The following MYO15A variants were observed in gnomAD, a reference collection of about 807,000 sequenced individuals.
MYO15A encodes the protein unconventional myosin-XV.
In MYO15A, 308 loss-of-function variants were observed where a neutral mutation model predicts 394.6. The ratio of observed to expected loss-of-function variants is 0.78; its 90% confidence interval spans 0.71 to 0.86. MYO15A has a LOEUF of 0.86. MYO15A is among the 40% of genes least tolerant of loss of function. MYO15A has a pLI of 0.00. For missense variants in MYO15A, 4,606 were observed against 4,799.1 expected (o/e 0.96, Z 1.19); for synonymous variants, 1,957 against 2,003.8 (o/e 0.98, Z 0.62).
chr17:18,119,448 C>A lies in MYO15A; in HGVS notation c.648C>A (p.His216Gln), dbSNP rs1328232912. The A allele has an allele frequency of 1.9e-6, 3 of 1,612,516 alleles. No individual in the cohort carries two copies. In the African/African-American group the frequency reaches 4.0e-5, roughly 22 times the overall value. ...TCGAGGACGAGGCCCCATTCCATCA[C>A]TCGGGCTCCCGCAAGTCGCTGTACG... ...LPFEDEAPFHHSGSRKSLYGL... is the reference protein window; with the variant it reads ...LPFEDEAPFHQSGSRKSLYGL... Residue 216 changes from histidine to glutamine, a missense_variant, in exon 2 of 66, where the codon CAC (histidine) becomes CAA (glutamine). Physicochemically the swap from His to Gln is conservative, Grantham distance 24. Around this residue, in one of 2 missense-constraint regions of MYO15A, gnomAD observed 1,830 missense variants for 1,689.7 expected, o/e 1.08. Coordinates refer to ENST00000647165, the MANE Select transcript of MYO15A (RefSeq NM_016239.4).
At chr17:18,178,571 C>A in intron 65 of MYO15A, 198 bp from the exon 66 acceptor site, 1 of 676,444 alleles carries the variant, frequency 1.5e-6, no homozygotes, top group Non-Finnish European at 2.7e-6. Flanking sequence ...TTGCTTACCC[C>A]TTGCAGCCCA....
rs750139478 is a variant in MYO15A at position 18,148,568 on chromosome 17, G to A, written c.6764G>A (p.Arg2255Lys). ...GTGGCTGGAGACATTCTGAGGCACA[G>A]GTTGGCTCCTAGGATGCCCTCCCAG... ...EEVAGDILRHRGLADGWRGWT... is the reference protein window; with the variant it reads ...EEVAGDILRHKGLADGWRGWT... Residue 2255 changes from arginine (R) to lysine (K), a missense_variant and splice_region_variant, in exon 32 of 66, where the codon AGG becomes AAG. By Grantham distance (26) the Arg-to-Lys change is conservative (BLOSUM62 2). Coordinates refer to ENST00000647165, the MANE Select transcript of MYO15A (RefSeq NM_016239.4). The surrounding 1 kb of genome is among the most constrained non-coding windows in gnomAD (Gnocchi z 4.8). The A allele has an allele frequency of 6.4e-7, 1 of 1,551,708 alleles. No homozygotes were observed. Among genetic ancestry groups the A allele is most frequent in the South Asian group, 1.2e-5 (1 of 84,082 alleles).
intron 65 of MYO15A, among the ~76,000 whole-genome samples, chr17:18,175,217 C>T (rs1463939454): frequency 2.0e-5 from 3 of 151,496 alleles, no homozygotes; most frequent in Non-Finnish European, 4.4e-5. Context: ...CTGCACCCAG[C>T]CTTCTCCAGC....
At position 18,179,048 on chromosome 17, in the gene MYO15A, T is replaced by C; in HGVS notation, c.*178T>C. ...GAACACAAGAAGACCCATCCTGAAC[T>C]GGGATGGAATGGCAGCATGCAAACT... On this transcript the variant is annotated 3_prime_UTR_variant, in exon 66 of 66. Transcript: ENST00000647165. 3.0e-6 allele frequency: 2 copies of C among 662,440 alleles called. No individual in the cohort carries two copies. The highest frequency in any genetic ancestry group is 3.5e-5 in the South Asian group (2 of 57,638). The allele number at this position is 662,440 out of a possible 1,614,324, so 41.0% of individuals were successfully genotyped here.
chr17:18,142,876 G>T, intron 25 of MYO15A, 36 bp downstream of exon 25: 1 of 1,575,310 alleles, frequency 6.3e-7, no homozygotes, highest in Non-Finnish European at 8.6e-7. Context: ...CAAGGGGACA[G>T]CAGAGAAGGG....
intron 1 of MYO15A, among the ~76,000 whole-genome samples, chr17:18,118,153 T>C (rs2045817032): frequency 6.6e-6 from 1 of 151,946 alleles, no homozygotes; most frequent in African/African-American, 2.4e-5. Flanking sequence ...CCCCACCCCA[T>C]GTATTATTCA....
intron 35 of MYO15A, 152 bp downstream of exon 35, chr17:18,149,732 G>T: frequency 1.3e-6 from 1 of 782,390 alleles, no homozygotes; most frequent in Non-Finnish European, 2.2e-6. Flanking sequence ...GCTGGACAAA[G>T]GATGAGGGTC....
At chr17:18,171,109 G>C (rs1411684346) in intron 62 of MYO15A, among the ~76,000 whole-genome samples, 1 of 152,194 alleles carries the variant, frequency 6.6e-6, no homozygotes, top group Non-Finnish European at 1.5e-5. Context: ...AGGTAAAGGG[G>C]CTGCCTGAGG....
chr17:18,156,971 C>A lies in MYO15A; in HGVS notation c.8619C>A (p.Val2873=), dbSNP rs16960968. 1.9e-6 allele frequency: 3 copies of A among 1,614,138 alleles called. No individual in the cohort carries two copies. Among genetic ancestry groups the A allele is most frequent in the Non-Finnish European group, 1.7e-6 (2 of 1,180,018 alleles). The change falls in exon 49 of 66, where the codon GTC becomes GTA. Residue 2873 remains valine (V), a synonymous_variant. Coordinates refer to ENST00000647165, the MANE Select transcript of MYO15A (RefSeq NM_016239.4). The part of the protein sequence containing the change: ...LELKKDSDYV[V]AVRNFLPEDP... ...TGACCCAGGACTCTGACTACGTGGT[C>A]GCTGTGAGGAACTTCCTGCCTGAGG...
intron 1 of MYO15A, among the ~76,000 whole-genome samples, chr17:18,112,856 ATT>A (rs35423784): frequency 2.4e-3 from 34 of 14,406 alleles, no homozygotes; most frequent in Non-Finnish European, 8.5e-3. Flanking sequence ...TATTATTATT[ATT>A]TTTTTTTGAA....
chr17:18,137,098 G>T (rs929025224), intron 15 of MYO15A, among the ~76,000 whole-genome samples: 2 of 152,294 alleles, frequency 1.3e-5, no homozygotes, highest in East Asian at 3.9e-4. Context: ...GACTTCGTGT[G>T]TTGGGGGGTG....
At chr17:18,133,051 G>T (rs1040972401) in intron 11 of MYO15A, among the ~76,000 whole-genome samples, 174 bp from the exon 12 acceptor site, 2 of 152,214 alleles carry the variant, frequency 1.3e-5, no homozygotes, top group African/African-American at 4.8e-5. Context: ...ATTGCACTTA[G>T]AATCTATGAA....
Position 18,179,324 on chromosome 17 carries a change from T to G in MYO15A, c.*454T>G, listed in dbSNP as rs2047058036. ...CATGTCCTCCTAAGGGGCCCCTCCT[T>G]GTGCTGCCAGTCAGCCTGGATTTCT... is the stretch of plus-strand genomic sequence containing the variant. On this transcript the variant is annotated 3_prime_UTR_variant, in exon 66 of 66. Coordinates refer to ENST00000647165, the MANE Select transcript of MYO15A (RefSeq NM_016239.4). 1.0e-5 allele frequency: 2 copies of G among 197,480 alleles called. No individual in the cohort carries two copies. Among genetic ancestry groups the G allele is most frequent in the South Asian group, 1.8e-4 (2 of 10,950 alleles). 12.2% of individuals were successfully genotyped at this position (197,480 alleles called of 1,614,324 possible). A position where few individuals can be genotyped will look rare whatever the true frequency, so the allele number is the denominator to read the frequency against.
At chr17:18,126,262 G>A (rs2046036611) in intron 4 of MYO15A, 85 bp from the exon 5 acceptor site, 1 of 1,155,166 alleles carries the variant, frequency 8.7e-7, no homozygotes, top group African/African-American at 1.5e-5. Context: ...GATGGAAACA[G>A]GGAGCCAGGC....
intron 7 of MYO15A, among the ~76,000 whole-genome samples, chr17:18,129,029 A>G (rs1472563432): frequency 6.6e-6 from 1 of 152,164 alleles, no homozygotes; most frequent in Non-Finnish European, 1.5e-5. Flanking sequence ...AGAATCTTAA[A>G]CAATGTTTCT....
Position 18,158,862 on chromosome 17 carries a change from G to A in MYO15A, c.9084-63G>A, listed in dbSNP as rs143424503. ...CCCCTCCCTGGGGGTTCTTTCCCAT[G>A]TGGAAAAGGATGTAGCCAAGGCTTG... On this transcript the variant is annotated intron_variant, in intron 52 of 65. Transcript: ENST00000647165. 1.2e-4 allele frequency: 184 copies of A among 1,588,144 alleles called. No homozygotes were observed. The African/African-American group carries it at 1.9e-3, about 16-fold the overall frequency.
In MYO15A at chr17:18,166,326, G is replaced by T. The variant is rs374675833; in HGVS notation, c.9788-35G>T. Reference sequence around the variant, plus strand: ...GGTGCACACATGTGTGTGCACACATGCCCCCACCCAGCCCTGCCTCCCTGC... The same window carrying T: ...GGTGCACACATGTGTGTGCACACATTCCCCCACCCAGCCCTGCCTCCCTGC... On this transcript the variant is annotated intron_variant, in intron 60 of 65. Transcript: ENST00000647165. 5 of 1,606,142 alleles carry T rather than the reference G, an allele frequency of 3.1e-6. No individual in the cohort carries two copies. In the African/African-American group the frequency reaches 5.3e-5, roughly 17 times the overall value.
rs2045952713 is a variant in MYO15A at position 18,122,238 on chromosome 17, G to A, written c.3438G>A (p.Lys1146=). Reference sequence around the variant, plus strand: ...AAGTCCAGCCCATTCAGGACCCCAAGCCAAGAGCCTGTAGTCTTCGCTGGT... The same window carrying A: ...AAGTCCAGCCCATTCAGGACCCCAAACCAAGAGCCTGTAGTCTTCGCTGGT... ...KPQVQPIQDP[K]PRACSLRWSC... is the part of the protein sequence containing the mutation. Residue 1146 remains lysine, a synonymous_variant, in exon 2 of 66, where the codon AAG becomes AAA. Transcript: ENST00000647165. 6.2e-7 allele frequency: 1 copy of A among 1,613,200 alleles called. No homozygotes were observed. Among genetic ancestry groups the A allele is most frequent in the Non-Finnish European group, 8.5e-7 (1 of 1,180,020 alleles).
At position 18,122,088 on chromosome 17, in the gene MYO15A, C is replaced by G; in HGVS notation, c.3288C>G (p.Ala1096=). ...QAAAPLAPIR[A]PEPLPKGGER... ...CAGCCCCCTTGGCGCCCATCAGGGC[C>G]CCAGAGCCCCTGCCCAAGGGGGGTG... Residue 1096 remains alanine, a synonymous_variant, in exon 2 of 66, where the codon GCC becomes GCG. Transcript: ENST00000647165. 2 of 1,612,810 alleles carry G rather than the reference C, an allele frequency of 1.2e-6. No homozygotes were observed. The highest frequency in any genetic ancestry group is 1.7e-6 in the Non-Finnish European group (2 of 1,179,950).
Sources: gnomAD v4.1 joint callset for allele counts (sites outside exome capture counted in the v4.1 genomes callset) on GRCh38, gnomAD v4.1.1 for gene constraint, gnomAD v4.1.1 regional missense constraint, Gnocchi (gnomAD v3.1) non-coding constraint, MANE v1.5 for transcripts, NCBI Gene and HGNC (gene_info 2026-07-23, HGNC 2026-07-21) for gene names.